SLC9A5: variants seen among roughly 807,000 people sequenced by gnomAD.
SLC9A5 encodes sodium/hydrogen exchanger 5.
In SLC9A5, 52 loss-of-function variants were observed where a neutral mutation model predicts 91.7. The observed-to-expected ratio is 0.57, with a 90% CI of 0.45 to 0.71. SLC9A5 has a LOEUF of 0.71. Ranked by LOEUF, SLC9A5 falls within the 30% of genes least tolerant of loss-of-function variation. SLC9A5 has a pLI of 0.00. For missense variants in SLC9A5, 871 were observed against 1,158.9 expected, an observed-to-expected ratio of 0.75 and a Z score of 3.61; for synonymous variants, 419 against 474.5, an observed-to-expected ratio of 0.88 and a Z score of 1.52.
chr16:67,265,190 G>A (rs893562671), intron 14 of SLC9A5, 84 bp downstream of exon 14: 11 of 1,284,598 alleles, frequency 8.6e-6, no homozygotes, highest in Admixed American at 3.5e-5. Context: ...TGGAGGACCC[G>A]CTGTAGGGTG....
At position 67,252,512 on chromosome 16, in the gene SLC9A5, G is replaced by A; in HGVS notation, c.188-30G>A. 1 of 1,576,128 alleles carries A rather than the reference G, an allele frequency of 6.3e-7. No individual in the cohort carries two copies. Among genetic ancestry groups the A allele is most frequent in the Non-Finnish European group, 8.7e-7 (1 of 1,155,912 alleles). On this transcript the variant is annotated intron_variant, in intron 1 of 15. Coordinates refer to ENST00000299798, the MANE Select transcript of SLC9A5 (RefSeq NM_004594.3). This position sits in a 1 kb window ranked among gnomAD's most constrained non-coding sequence, Gnocchi z 4.0. ...TGTGTGGGAGGATATTCCATAAACT[G>A]ATCCATCCTGCACTCTTTTTGCATT... is the stretch of plus-strand genomic sequence containing the variant.
intron 15 of SLC9A5, among the ~76,000 whole-genome samples, chr16:67,266,437 C>T (rs186446303): frequency 1.4e-3 from 206 of 152,338 alleles, no homozygotes; most frequent in Admixed American, 3.3e-3. Flanking sequence ...GCTTAGAGAG[C>T]TTAAGAGACT....
In SLC9A5 at chr16:67,257,363, C is replaced by T. The variant is rs368867046; in HGVS notation, c.1354C>T (p.Leu452=). ...TCCATAGGGCTTGACCATCAAGCCA[C>T]TGGTCAAATGGCTGAAGGTGAAGAG... ...VIVQGLTIKP[L]VKWLKVKRSE... Residue 452 remains leucine (L), a synonymous_variant, in exon 8 of 16, where the codon CTG becomes TTG. Coordinates refer to ENST00000299798, the MANE Select transcript of SLC9A5 (RefSeq NM_004594.3). This position sits in a 1 kb window ranked among gnomAD's most constrained non-coding sequence, Gnocchi z 5.1. 1.5e-5 allele frequency: 24 copies of T among 1,613,972 alleles called. No homozygotes were observed. Among genetic ancestry groups the T allele is most frequent in the Non-Finnish European group, 1.9e-5 (22 of 1,179,928 alleles).
intron 10 of SLC9A5, 106 bp from the exon 11 acceptor site, chr16:67,259,467 C>T (rs1597354494): frequency 2.5e-6 from 2 of 790,370 alleles, no homozygotes; most frequent in Non-Finnish European, 4.3e-6. Flanking sequence ...CCTGGCATGT[C>T]AAAAGAGTAA....
chr16:67,264,588 T>A (rs957890619), intron 13 of SLC9A5, 66 bp downstream of exon 13: 2 of 1,540,500 alleles, frequency 1.3e-6, no homozygotes, highest in Non-Finnish European at 9.0e-7. Flanking sequence ...TTGAGCCCCC[T>A]AGTGTTAGGA....
In SLC9A5 at chr16:67,255,045, T is replaced by G; in HGVS notation, c.515T>G (p.Leu172Arg). 6.2e-7 allele frequency: 1 copy of G among 1,613,998 alleles called. No individual in the cohort carries two copies. Among genetic ancestry groups the G allele is most frequent in the Non-Finnish European group, 8.5e-7 (1 of 1,179,938 alleles). ...GCCCCTAGGGTGCAGGCTGGCTTAC[T>G]GGACTTCCTGCTGTTTGGGAGCCTC... ...LVAPRVQAGLLDFLLFGSLIS... is the reference protein window; with the variant it reads ...LVAPRVQAGLRDFLLFGSLIS... Residue 172 changes from leucine (L) to arginine (R), a missense_variant, in exon 3 of 16, where the codon CTG becomes CGG. By Grantham distance (102) the Leu-to-Arg change is moderately radical. Transcript: ENST00000299798. The surrounding 1 kb of genome is among the most constrained non-coding windows in gnomAD (Gnocchi z 4.9).
rs956468357 is a variant in SLC9A5, at chr16:67,271,521, T to G, written c.*311T>G. 2 of 396,038 alleles carry G rather than the reference T, an allele frequency of 5.1e-6. No homozygotes were observed. Among genetic ancestry groups the G allele is most frequent in the African/African-American group, 4.0e-5 (2 of 49,900 alleles). 24.5% of individuals were successfully genotyped at this position (396,038 alleles called of 1,614,324 possible). On this transcript the variant is annotated 3_prime_UTR_variant, in exon 16 of 16. Coordinates refer to ENST00000299798, the MANE Select transcript of SLC9A5 (RefSeq NM_004594.3). ...TGCTGGTCCCCCTTCCCTAGTGGGT[T>G]TTCCCGGGGACTCTATAGGCAGCTG...
intron 13 of SLC9A5, 68 bp from the exon 14 acceptor site, chr16:67,264,972 C>A: frequency 6.6e-7 from 1 of 1,520,904 alleles, no homozygotes; most frequent in South Asian, 1.1e-5. Flanking sequence ...CCTGTTGACC[C>A]CACCAGATGA....
In SLC9A5 at chr16:67,258,376, C is replaced by CGTA. The variant is rs1163626637; in HGVS notation, c.1556_1557insTAG (p.Arg519_Ile520insSer). On this transcript the variant is annotated inframe_insertion, in exon 10 of 16. Coordinates refer to ENST00000299798, the MANE Select transcript of SLC9A5 (RefSeq NM_004594.3). This position sits in a 1 kb window ranked among gnomAD's most constrained non-coding sequence, Gnocchi z 4.5. Reference sequence around the variant, plus strand: ...GCTGCTGATGCGACGATCAGCCTACCGCATCCGGGACCAGATCTGGGATGT... The same window carrying CGTA: ...GCTGCTGATGCGACGATCAGCCTACCGTAGCATCCGGGACCAGATCTGGGATGT... The CGTA allele has an allele frequency of 6.2e-7, 1 of 1,614,026 alleles. No homozygotes were observed. The highest frequency in any genetic ancestry group is 1.3e-5 in the African/African-American group (1 of 74,930).
rs1384470055 is a variant in SLC9A5 at position 67,252,861 on chromosome 16, C to T, written c.490+17C>T. 1.2e-6 allele frequency: 2 copies of T among 1,603,134 alleles called. No individual in the cohort carries two copies. Among genetic ancestry groups the T allele is most frequent in the South Asian group, 1.1e-5 (1 of 90,158 alleles). On this transcript the variant is annotated intron_variant, in intron 2 of 15. Transcript: ENST00000299798. The surrounding 1 kb of genome is among the most constrained non-coding windows in gnomAD (Gnocchi z 4.0). Reference sequence around the variant, plus strand: ...GACTTGTAGGTGAGTGACCCTAAGACCTGGGCTTTGCCAGACCCATCACCC... The same window carrying T: ...GACTTGTAGGTGAGTGACCCTAAGATCTGGGCTTTGCCAGACCCATCACCC...
intron 12 of SLC9A5, chr16:67,261,927 G>GGGGTGTGTGTGTGT (rs140144249): frequency 6.6e-6 from 1 of 151,406 alleles, no homozygotes; most frequent in African/African-American, 2.5e-5. Context: ...GATTTGGTGA[G>GGGGTGTGTGTGTGT]GTGTGTGTGT....
chr16:67,249,135 T>G lies in SLC9A5; in HGVS notation c.121T>G (p.Trp41Gly), dbSNP rs2035006694. 6.4e-7 allele frequency: 1 copy of G among 1,559,922 alleles called. No individual in the cohort carries two copies. The highest frequency in any genetic ancestry group is 8.6e-7 in the Non-Finnish European group (1 of 1,158,904). The change falls in exon 1 of 16, where the codon TGG (tryptophan) becomes GGG (glycine). Residue 41 changes from tryptophan to glycine, a missense_variant. By Grantham distance (184) the Trp-to-Gly change is radical. This residue lies in a region of SLC9A5 where 122 missense variants were observed against 114.5 expected (regional missense o/e 1.07). Transcript: ENST00000299798. ...AGGCTTAGAGCTCTTCCGCTGGCAG[T>G]GGCACGAGGTGGAGGCGCCCTACCT... The part of the protein sequence containing the change: ...PPGLELFRWQ[W>G]HEVEAPYLVA...
Position 67,252,977 on chromosome 16 carries a change from G to A in SLC9A5, c.490+133G>A, listed in dbSNP as rs2035185444. ...TAGGTCCCTCCCTCTGGAGTGCAAGGCAGTGCTCCCGCTGGGGTTCAGGCC... is the reference window on the plus strand; with the variant it reads ...TAGGTCCCTCCCTCTGGAGTGCAAGACAGTGCTCCCGCTGGGGTTCAGGCC... On this transcript the variant is annotated intron_variant, in intron 2 of 15. Transcript: ENST00000299798. This position sits in a 1 kb window ranked among gnomAD's most constrained non-coding sequence, Gnocchi z 4.0. The A allele has an allele frequency of 1.3e-6, 1 of 799,764 alleles. No individual in the cohort carries two copies. Among genetic ancestry groups the A allele is most frequent in the African/African-American group, 1.7e-5 (1 of 57,552 alleles). The allele number at this position is 799,764 out of a possible 1,614,324, so 49.5% of individuals were successfully genotyped here. A position where few individuals can be genotyped will look rare whatever the true frequency, so the allele number is the denominator to read the frequency against.
chr16:67,260,040 G>A (rs11863505), intron 12 of SLC9A5, 94 bp downstream of exon 12: 1 of 1,504,608 alleles, frequency 6.6e-7, no homozygotes, highest in African/African-American at 1.4e-5. Flanking sequence ...GAGAGCTGCA[G>A]ATGCCCAGCT....
rs756859968 is a variant in SLC9A5 at position 67,258,421 on chromosome 16, C to T, written c.1600C>T (p.Arg534Trp). Residue 534 changes from arginine to tryptophan, a missense_variant, in exon 10 of 16, where the codon CGG (arginine) becomes TGG (tryptophan). Transcript: ENST00000299798. The surrounding 1 kb of genome is among the most constrained non-coding windows in gnomAD (Gnocchi z 4.5). ...GGATGTGTACTACAGGCTTAACATC[C>T]GGGATGCCATCAGCTTTGTGGACCA... ...IWDVYYRLNI[R>W]DAISFVDQGG... The T allele has an allele frequency of 2.5e-5, 41 of 1,614,046 alleles. No homozygotes were observed. Among genetic ancestry groups the T allele is most frequent in the East Asian group, 2.2e-5 (1 of 44,900 alleles).
chr16:67,248,985 T>C lies in SLC9A5; in HGVS notation c.-30T>C, dbSNP rs1351862069. The C allele has an allele frequency of 2.5e-6, 3 of 1,220,144 alleles. No homozygotes were observed. Among genetic ancestry groups the C allele is most frequent in the Non-Finnish European group, 3.1e-6 (3 of 978,310 alleles). The allele number at this position is 1,220,144 out of a possible 1,614,324, so 75.6% of individuals were successfully genotyped here. The stretch of plus-strand genomic sequence containing the variant: ...CGACGCGGGGCCGGCGGCCGTGCGG[T>C]GCCGGGAGGGCGGCTGGGCAGGCGG... On this transcript the variant is annotated 5_prime_UTR_variant, in exon 1 of 16. Coordinates refer to ENST00000299798, the MANE Select transcript of SLC9A5 (RefSeq NM_004594.3). The surrounding 1 kb of genome is among the most constrained non-coding windows in gnomAD (Gnocchi z 5.3).
Position 67,257,527 on chromosome 16 carries a change from C to G in SLC9A5, c.1426-4C>G. ...TCCAGTCCCCCTACCCACCCCCCTT[C>G]TAGACTTTTGACCACATTCTGGCTG... On this transcript the variant is annotated splice_region_variant and splice_polypyrimidine_tract_variant and intron_variant, in intron 8 of 15. Coordinates refer to ENST00000299798, the MANE Select transcript of SLC9A5 (RefSeq NM_004594.3). This position sits in a 1 kb window ranked among gnomAD's most constrained non-coding sequence, Gnocchi z 5.1. The G allele has an allele frequency of 6.2e-7, 1 of 1,614,166 alleles. No homozygotes were observed. The highest frequency in any genetic ancestry group is 2.2e-5 in the East Asian group (1 of 44,886).
intron 1 of SLC9A5, among the ~76,000 whole-genome samples, chr16:67,251,403 C>CTTTTTTTTTTTTTTTT: frequency 1.5e-5 from 1 of 64,800 alleles, no homozygotes; most frequent in Non-Finnish European, 2.9e-5. Flanking sequence ...AGTAGATTGT[C>CTTTTTTTTTTTTTTTT]TTTTTTTTTT....
chr16:67,257,580 G>A lies in SLC9A5; in HGVS notation c.1475G>A (p.Gly492Asp). The change falls in exon 9 of 16, where the codon GGC becomes GAC. Residue 492 changes from glycine to aspartate, a missense_variant. By Grantham distance (94) the Gly-to-Asp change is moderately conservative. This residue lies in a region of SLC9A5 where 454 missense variants were observed against 718.3 expected (regional missense o/e 0.63). Coordinates refer to ENST00000299798, the MANE Select transcript of SLC9A5 (RefSeq NM_004594.3). This position sits in a 1 kb window ranked among gnomAD's most constrained non-coding sequence, Gnocchi z 5.1. Reference sequence around the variant, plus strand: ...GTGGAGGACGTTGTGGGGCACCATGGCTACCACTACTGGAGGGACAGGTGA... The same window carrying A: ...GTGGAGGACGTTGTGGGGCACCATGACTACCACTACTGGAGGGACAGGTGA... ...AAVEDVVGHH[G>D]YHYWRDRWEQ... The A allele has an allele frequency of 6.2e-7, 1 of 1,614,132 alleles. No homozygotes were observed. The highest frequency in any genetic ancestry group is 8.5e-7 in the Non-Finnish European group (1 of 1,180,018).
Sources: allele counts gnomAD v4.1 joint callset (sites outside exome capture counted in the v4.1 genomes callset), GRCh38; gene constraint gnomAD v4.1.1; regional missense constraint gnomAD v4.1.1; non-coding constraint Gnocchi (gnomAD v3.1); transcripts MANE v1.5; gene names NCBI Gene and HGNC (gene_info 2026-07-23, HGNC 2026-07-21).